Variants in PTPN21 observed in about 807,000 individuals in gnomAD.
PTPN21 encodes the protein tyrosine-protein phosphatase non-receptor type 21.
In PTPN21, 77 loss-of-function variants were observed where a neutral mutation model predicts 131.8. The observed-to-expected ratio is 0.58, with a 90% CI of 0.49 to 0.71. The LOEUF is 0.71. Among genes scored for constraint, PTPN21 ranks in the 30% least tolerant of loss-of-function variants. The pLI, the probability that PTPN21 is intolerant of heterozygous loss-of-function variation, is 0.00. For synonymous variants in PTPN21, 715 were observed against 621.3 expected (o/e 1.15, Z -2.24); for missense variants, 1,552 against 1,527.1 (o/e 1.02, Z -0.27).
intron 2 of PTPN21, among the ~76,000 whole-genome samples, chr14:88,538,917 G>C (rs1266957171): frequency 6.6e-6 from 1 of 152,136 alleles, no homozygotes; most frequent in African/African-American, 2.4e-5. Flanking sequence ...ACTTACAAAA[G>C]TGTCTCATGC....
At chr14:88,544,216 G>A (rs569594508) in intron 2 of PTPN21, among the ~76,000 whole-genome samples, 14 of 151,966 alleles carry the variant, frequency 9.2e-5, no homozygotes, top group Non-Finnish European at 1.0e-4. Flanking sequence ...GTGGTGGCAG[G>A]TGCCTGTAAT....
rs1595342508 is a variant in PTPN21 at position 88,473,791 on chromosome 14, C to A, written c.2523G>T (p.Lys841Asn). Residue 841 changes from lysine (K) to asparagine (N), a missense_variant, in exon 14 of 19, where the codon AAG (lysine) becomes AAT (asparagine). This residue lies in a region of PTPN21 where 1,016 missense variants were observed against 883.5 expected (regional missense o/e 1.15). Transcript: ENST00000556564. ...CAATTTTTTTTGCATCTACTCGAGT[C>A]TTTTTCATTCCCTGTAAAAGGATTT... The part of the protein sequence containing the change: ...EGLPPLGGMK[K>N]TRVDAKKIGP... 6.2e-7 allele frequency: 1 copy of A among 1,604,074 alleles called. No individual in the cohort carries two copies. The highest frequency in any genetic ancestry group is 8.5e-7 in the Non-Finnish European group (1 of 1,177,712).
chr14:88,487,985 A>AAAAAG (rs2077763117), intron 10 of PTPN21, among the ~76,000 whole-genome samples: 1 of 149,424 alleles, frequency 6.7e-6, no homozygotes, highest in Non-Finnish European at 1.5e-5. Flanking sequence ...AAAAAAAAAA[A>AAAAAG]TAGTGCCCAG....
At chr14:88,505,545 G>A (rs1436281838) in intron 4 of PTPN21, among the ~76,000 whole-genome samples, 174 bp from the exon 5 acceptor site, 2 of 152,046 alleles carry the variant, frequency 1.3e-5, no homozygotes, top group Non-Finnish European at 2.9e-5. Context: ...TGTTAATTAG[G>A]CAGATATGAG....
rs753570414 is a variant in PTPN21 at position 88,480,071 on chromosome 14, C to G, written c.1360G>C (p.Val454Leu). 6.2e-7 allele frequency: 1 copy of G among 1,614,162 alleles called. No individual in the cohort carries two copies. The change falls in exon 13 of 19, where the codon GTG (valine) becomes CTG (leucine). Residue 454 changes from valine to leucine, a missense_variant. This residue lies in a region of PTPN21 where 1,016 missense variants were observed against 883.5 expected (regional missense o/e 1.15). Coordinates refer to ENST00000556564, the MANE Select transcript of PTPN21 (RefSeq NM_007039.4). ...AGGCCCCTGTTGAGCTGCTTCATCACAGTCTCATAGTCTGGGGTGGGGCGG... is the reference window on the plus strand; with the variant it reads ...AGGCCCCTGTTGAGCTGCTTCATCAGAGTCTCATAGTCTGGGGTGGGGCGG... ...SYRPTPDYET[V>L]MKQLNRGLVH... is the part of the protein sequence containing the mutation.
intron 9 of PTPN21, among the ~76,000 whole-genome samples, 176 bp downstream of exon 9, chr14:88,497,026 AT>A (rs2077928445): frequency 6.6e-6 from 1 of 152,300 alleles, no homozygotes; most frequent in South Asian, 2.1e-4. Flanking sequence ...CTGAGCAGCC[AT>A]TTTTTGCTAA....
At chr14:88,510,415 A>G (rs2078159778) in intron 3 of PTPN21, among the ~76,000 whole-genome samples, 1 of 152,236 alleles carries the variant, frequency 6.6e-6, no homozygotes. Flanking sequence ...CCTTTAAGTG[A>G]TGAAGAGCTG....
intron 2 of PTPN21, among the ~76,000 whole-genome samples, chr14:88,545,010 A>T (rs1476334441): frequency 6.6e-6 from 1 of 151,968 alleles, no homozygotes; most frequent in East Asian, 1.9e-4. Flanking sequence ...TTGTATTTTT[A>T]GTAGAGATGG....
intron 4 of PTPN21, among the ~76,000 whole-genome samples, chr14:88,506,830 T>G (rs1407091328): frequency 6.6e-6 from 1 of 151,896 alleles, no homozygotes; most frequent in African/African-American, 2.4e-5. Flanking sequence ...TCACCTGAGG[T>G]CAGGAGTTTG....
chr14:88,519,417 G>A (rs561825025), intron 2 of PTPN21, among the ~76,000 whole-genome samples: 2 of 152,226 alleles, frequency 1.3e-5, no homozygotes, highest in African/African-American at 4.8e-5. Context: ...GTGCCACCAA[G>A]GAGCTGTATT....
At position 88,468,097 on chromosome 14, in the gene PTPN21, A is replaced by C. The variant is rs1013122474; in HGVS notation, c.*40T>G. On this transcript the variant is annotated 3_prime_UTR_variant, in exon 19 of 19. Transcript: ENST00000556564. ...GCAAGCGCTTTTTTTTTAAGCTGTA[A>C]ACGCTTCACATGACTGGCCCCGTAA... is the stretch of plus-strand genomic sequence containing the variant. The C allele has an allele frequency of 3.1e-6, 5 of 1,609,778 alleles. No homozygotes were observed. The highest frequency in any genetic ancestry group is 1.3e-5 in the African/African-American group (1 of 74,840).
Position 88,478,875 on chromosome 14 carries a change from G to C in PTPN21, c.2511+45C>G, listed in dbSNP as rs377215043. On this transcript the variant is annotated intron_variant, in intron 13 of 18. Transcript: ENST00000556564. ...TGATGAGTGAAAGAAGCGCCAGGGC[G>C]AACGCGCGGTCCCCTGGCCCGGCAC... is the stretch of plus-strand genomic sequence containing the variant. The C allele has an allele frequency of 1.1e-4, 149 of 1,322,890 alleles. 1 individual carries two copies. In the East Asian group the frequency reaches 4.0e-3, roughly 35 times the overall value. The allele number at this position is 1,322,890 out of a possible 1,614,324, so 81.9% of individuals were successfully genotyped here.
At chr14:88,504,520 T>C (rs373125127) in intron 5 of PTPN21, 25 bp from the exon 6 acceptor site, 30 of 1,578,286 alleles carry the variant, frequency 1.9e-5, no homozygotes, top group Non-Finnish European at 4.4e-6. Context: ...CAGTGGTAAG[T>C]ATGTGACAAT....
At chr14:88,513,314 G>A (rs1033435850) in intron 3 of PTPN21, among the ~76,000 whole-genome samples, 9 of 152,206 alleles carry the variant, frequency 5.9e-5, no homozygotes, top group Admixed American at 3.3e-4. Flanking sequence ...ACAGGCGTGC[G>A]CCACCACACT....
chr14:88,479,661 G>A lies in PTPN21; in HGVS notation c.1770C>T (p.Ser590=). The A allele has an allele frequency of 6.5e-7, 1 of 1,537,972 alleles. No homozygotes were observed. The highest frequency in any genetic ancestry group is 8.7e-7 in the Non-Finnish European group (1 of 1,148,186). Residue 590 remains serine, a synonymous_variant, in exon 13 of 19, where the codon AGC becomes AGT. Transcript: ENST00000556564. ...DLSRHLYISS[S]NPDLITRRVH... Reference sequence around the variant, plus strand: ...CGCGCCGCGTGATGAGGTCGGGGTTGCTGCTGCTGATGTAAAGGTGGCGGG... The same window carrying A: ...CGCGCCGCGTGATGAGGTCGGGGTTACTGCTGCTGATGTAAAGGTGGCGGG...
At chr14:88,523,813 T>G (rs2078437155) in intron 2 of PTPN21, among the ~76,000 whole-genome samples, 1 of 150,390 alleles carries the variant, frequency 6.6e-6, no homozygotes, top group African/African-American at 2.5e-5. Context: ...AAGATCAACA[T>G]GCAAAAATCA....
chr14:88,518,382 G>GTATATATATATATATA (rs1566839863), intron 2 of PTPN21, among the ~76,000 whole-genome samples: 1 of 12,276 alleles, frequency 8.1e-5, no homozygotes. Context: ...GTATGTGTGT[G>GTATATATATATATATA]TGTGTATATA....
chr14:88,549,525 A>G (rs1411608212), intron 2 of PTPN21, among the ~76,000 whole-genome samples: 1 of 152,200 alleles, frequency 6.6e-6, no homozygotes. Flanking sequence ...CATCCCAGCC[A>G]GGGACACACA....
intron 2 of PTPN21, among the ~76,000 whole-genome samples, chr14:88,523,393 C>T (rs1052806842): frequency 1.3e-5 from 2 of 151,978 alleles, no homozygotes; most frequent in Non-Finnish European, 1.5e-5. Context: ...ATCCAACATC[C>T]TTAATGATAA....
Sources: allele counts gnomAD v4.1 joint callset (sites outside exome capture counted in the v4.1 genomes callset), GRCh38; gene constraint gnomAD v4.1.1; regional missense constraint gnomAD v4.1.1; transcripts MANE v1.5; gene names NCBI Gene and HGNC (gene_info 2026-07-23, HGNC 2026-07-21).